The following KAT7 variants were observed in gnomAD, a reference collection of about 807,000 sequenced individuals.
The protein encoded by KAT7 is lysine acetyltransferase 7.
In KAT7, 10 loss-of-function variants were observed where a neutral mutation model predicts 82.1. The ratio of observed to expected loss-of-function variants is 0.12; its 90% CI spans 0.08 to 0.21. The LOEUF (loss-of-function observed/expected upper bound fraction) is 0.21. KAT7 is among the 10% of genes least tolerant of loss of function. The probability of loss-of-function intolerance (pLI) is 1.00; values close to 1 mark genes in which losing one functional copy is unlikely to be tolerated. For synonymous variants in KAT7, 250 were observed against 262.5 expected, an observed-to-expected ratio of 0.95 and a Z score of 0.46; for missense variants, 378 against 760.9, an observed-to-expected ratio of 0.50 and a Z score of 5.92.
rs2074306377 is a variant in KAT7, at chr17:49,821,768, AC to A, written c.1366del (p.Leu456Ter). On this transcript the variant is annotated frameshift_variant, in exon 11 of 15. Coordinates refer to ENST00000259021, the MANE Select transcript of KAT7 (RefSeq NM_007067.5). LOFTEE classifies it high-confidence loss of function. The stretch of plus-strand genomic sequence containing the variant: ...ACAGAGGCGGACAACACTGGCTGTC[AC>A]CTGATTGGATATTTTTCTAAGGTAA... ...VMTEADNTGCHLIGYFSKEKN... is the reference protein window; with the variant it reads ...VMTEADNTGCXLIGYFSKEKN... 1 of 1,613,846 alleles carries A rather than the reference AC, an allele frequency of 6.2e-7. No homozygotes were observed. Among genetic ancestry groups the A allele is most frequent in the Non-Finnish European group, 8.5e-7 (1 of 1,179,924 alleles).
chr17:49,793,976 T>A (rs574197713), intron 2 of KAT7, among the ~76,000 whole-genome samples: 1 of 152,352 alleles, frequency 6.6e-6, no homozygotes, highest in African/African-American at 2.4e-5. Flanking sequence ...CCTAACTTTA[T>A]TTTTGAATTT....
chr17:49,816,034 C>T, intron 8 of KAT7, 121 bp downstream of exon 8: 1 of 630,190 alleles, frequency 1.6e-6, no homozygotes, highest in Non-Finnish European at 2.8e-6. Context: ...AATCTCTTTC[C>T]CTGTCTCCCA....
chr17:49,829,222 A>G lies in KAT7; in HGVS notation c.*1720A>G, dbSNP rs1354320122. 1 of 152,214 alleles carries G rather than the reference A, an allele frequency of 6.6e-6. No individual in the cohort carries two copies. The highest frequency in any genetic ancestry group is 1.5e-5 in the Non-Finnish European group (1 of 68,032). 9.4% of individuals were successfully genotyped at this position (152,214 alleles called of 1,614,324 possible). On this transcript the variant is annotated 3_prime_UTR_variant, in exon 15 of 15. Coordinates refer to ENST00000259021, the MANE Select transcript of KAT7 (RefSeq NM_007067.5). ...CTGTTGAGGGATGTGGTTTGTGGCT[A>G]TGGAATGTTTTTCCCTGTGATACAG...
At chr17:49,795,346 G>A (rs1567848031) in intron 2 of KAT7, 1 of 189,058 alleles carries the variant, frequency 5.3e-6, no homozygotes. Flanking sequence ...CACCACGATG[G>A]TGTTGTTGGA....
chr17:49,815,989 C>A, intron 8 of KAT7, 76 bp downstream of exon 8: 2 of 836,956 alleles, frequency 2.4e-6, no homozygotes, highest in Non-Finnish European at 4.1e-6. Context: ...GATTGCAAAT[C>A]AGTTTGATGG....
At position 49,802,513 on chromosome 17, in the gene KAT7, C is replaced by A. The variant is rs148273634; in HGVS notation, c.581-2850C>A. Among the ~76,000 whole-genome samples the A allele has an allele frequency of 8.7e-3, 1,327 of 152,018 alleles. 23 individuals are homozygous for A. Among genetic ancestry groups the A allele is most frequent in the African/African-American group, 0.03 (1,263 of 41,464 alleles). On this transcript the variant is annotated intron_variant, in intron 4 of 14. Coordinates refer to ENST00000259021, the MANE Select transcript of KAT7 (RefSeq NM_007067.5). ...TGAAACCCCATCTCTATTAAAAATA[C>A]AAAATTAGCCAGGCGTGGTGGCGGC...
intron 9 of KAT7, among the ~76,000 whole-genome samples, chr17:49,818,752 T>C (rs2074264955): frequency 1.3e-5 from 2 of 151,960 alleles, no homozygotes; most frequent in South Asian, 4.2e-4. Flanking sequence ...GTTTTTTTTT[T>C]TTTTGAGAGG....
At chr17:49,815,536 A>G (rs1332523536) in intron 7 of KAT7, 3 of 316,580 alleles carry the variant, frequency 9.5e-6, no homozygotes, top group Non-Finnish European at 1.7e-5. Flanking sequence ...TGATCCACAA[A>G]GTGTATCTTT....
Position 49,834,166 on chromosome 17 carries a change from G to A in KAT7, c.*6664G>A, listed in dbSNP as rs538708022. 1 of 152,226 alleles carries A rather than the reference G, an allele frequency of 6.6e-6. No homozygotes were observed. Among genetic ancestry groups the A allele is most frequent in the East Asian group, 1.9e-4 (1 of 5,200 alleles). 9.4% of individuals were successfully genotyped at this position (152,226 alleles called of 1,614,324 possible). On this transcript the variant is annotated 3_prime_UTR_variant, in exon 15 of 15. Coordinates refer to ENST00000259021, the MANE Select transcript of KAT7 (RefSeq NM_007067.5). ...TGTATTTATTGATTGATCGATTTAT[G>A]AGACAGGGTCTCCTTCTGTCACCCA...
chr17:49,814,753 C>G (rs980517001), intron 7 of KAT7, among the ~76,000 whole-genome samples: 1 of 151,574 alleles, frequency 6.6e-6, no homozygotes, highest in Non-Finnish European at 1.5e-5. Context: ...GAAGAAATAA[C>G]TAATGCGTAG....
intron 2 of KAT7, among the ~76,000 whole-genome samples, chr17:49,794,611 T>C (rs974882799): frequency 4.6e-5 from 7 of 152,260 alleles, no homozygotes; most frequent in African/African-American, 1.7e-4. Context: ...TTAAAGGCTC[T>C]GATAGGAATT....
intron 4 of KAT7, among the ~76,000 whole-genome samples, chr17:49,803,710 C>T (rs1323995999): frequency 6.6e-6 from 1 of 152,122 alleles, no homozygotes; most frequent in Non-Finnish European, 1.5e-5. Context: ...AAGTGTGAGC[C>T]ACTGCGCCCG....
intron 4 of KAT7, among the ~76,000 whole-genome samples, chr17:49,799,118 T>C (rs532360053): frequency 6.6e-6 from 1 of 152,246 alleles, no homozygotes; most frequent in Admixed American, 6.5e-5. Context: ...TATATTCTTA[T>C]GAGTTTTACC....
At position 49,825,981 on chromosome 17, in the gene KAT7, T is replaced by G. The variant is rs749556209; in HGVS notation, c.1481-19T>G. 3 of 1,597,224 alleles carry G rather than the reference T, an allele frequency of 1.9e-6. No homozygotes were observed. The highest frequency in any genetic ancestry group is 2.6e-6 in the Non-Finnish European group (3 of 1,169,990). On this transcript the variant is annotated intron_variant, in intron 12 of 14. Transcript: ENST00000259021. ...AGATCGAGTGTTGCTAGAAAAAGTC[T>G]GTATTTGTTCCCTGGCAGGTTATTT...
intron 9 of KAT7, among the ~76,000 whole-genome samples, chr17:49,818,262 T>A (rs754644836): frequency 3.3e-5 from 5 of 152,218 alleles, no homozygotes; most frequent in South Asian, 2.1e-4. Flanking sequence ...TCTTGTCTTT[T>A]GTTCTTGCTG....
rs537244573 is a variant in KAT7, at chr17:49,810,179, C to G, written c.753+971C>G. On this transcript the variant is annotated intron_variant, in intron 6 of 14. Transcript: ENST00000259021. The stretch of plus-strand genomic sequence containing the variant: ...ATTATGTATGTAAAGTACCTATACC[C>G]AGTGCTTGGCAGGTAAAAAGCACTC... 4.6e-5 allele frequency among the ~76,000 whole-genome samples: 7 copies of G among 152,316 alleles called. No individual in the cohort carries two copies. The South Asian group carries it at 1.4e-3, about 32-fold the overall frequency.
intron 4 of KAT7, among the ~76,000 whole-genome samples, chr17:49,800,100 C>A (rs2074005167): frequency 6.6e-6 from 1 of 151,436 alleles, no homozygotes; most frequent in South Asian, 2.1e-4. Context: ...CAAGCTCCGC[C>A]TCCCGGGTTC....
intron 13 of KAT7, chr17:49,826,452 G>A (rs2074369679): frequency 2.0e-6 from 1 of 512,266 alleles, no homozygotes; most frequent in Admixed American, 3.5e-5. Context: ...GAACAATTTA[G>A]TTTGATCTAT....
At position 49,833,850 on chromosome 17, in the gene KAT7, A is replaced by G. The variant is rs2074442792; in HGVS notation, c.*6348A>G. The G allele has an allele frequency of 6.6e-6, 1 of 152,228 alleles. No individual in the cohort carries two copies. The highest frequency in any genetic ancestry group is 2.4e-5 in the African/African-American group (1 of 41,448). The allele number at this position is 152,228 out of a possible 1,614,324, so 9.4% of individuals were successfully genotyped here. A position where few individuals can be genotyped will look rare whatever the true frequency, so the allele number is the denominator to read the frequency against. On this transcript the variant is annotated 3_prime_UTR_variant, in exon 15 of 15. Coordinates refer to ENST00000259021, the MANE Select transcript of KAT7 (RefSeq NM_007067.5). The stretch of plus-strand genomic sequence containing the variant: ...TTTTGGAATGGTTTGATACATGGCA[A>G]TGGAGAAGTGAAACAAGGGGACTTC...
Sources: gnomAD v4.1 joint callset for allele counts (sites outside exome capture counted in the v4.1 genomes callset) on GRCh38, gnomAD v4.1.1 for gene constraint, MANE v1.5 for transcripts, NCBI Gene and HGNC (gene_info 2026-07-23, HGNC 2026-07-21) for gene names.